The following CTDSP1 variants were observed in gnomAD, a reference collection of about 807,000 sequenced individuals.
CTDSP1 encodes carboxy-terminal domain RNA polymerase II polypeptide A small phosphatase 1.
CTDSP1 carries 15 observed loss-of-function variants against 32.5 expected under a neutral mutation model. That is an observed-to-expected ratio of 0.46 (90% CI 0.31 to 0.71). CTDSP1 has a LOEUF of 0.71. CTDSP1 is among the 30% of genes least tolerant of loss of function. The pLI is 0.05. For synonymous variants in CTDSP1, 185 were observed against 145.4 expected, an observed-to-expected ratio of 1.27 and a Z score of -1.96; for missense variants, 294 against 351.1, an observed-to-expected ratio of 0.84 and a Z score of 1.30.
chr2:218,400,499 G>C (rs1697068079), intron 1 of CTDSP1: 4 of 416,818 alleles, frequency 9.6e-6, no homozygotes, highest in Non-Finnish European at 1.4e-5. Flanking sequence ...TGGGGGAGCT[G>C]AGGAGGGCGC....
chr2:218,404,357 T>C lies in CTDSP1; in HGVS notation c.718T>C (p.Phe240Leu). ...CACAGAGCTCCACGACCTCCTCCCC[T>C]TCTTCGAGCAACTCAGCCGTGTGGA... Reference protein sequence around the residue: ...SDTELHDLLPFFEQLSRVDDV... With the variant: ...SDTELHDLLPLFEQLSRVDDV... Residue 240 changes from phenylalanine to leucine, a missense_variant, in exon 7 of 7, where the codon TTC becomes CTC. Phe to Leu is a conservative substitution (Grantham distance 22). Coordinates refer to ENST00000273062, the MANE Select transcript of CTDSP1 (RefSeq NM_021198.3). The C allele has an allele frequency of 6.2e-7, 1 of 1,614,156 alleles. No homozygotes were observed. The highest frequency in any genetic ancestry group is 1.1e-5 in the South Asian group (1 of 91,082).
At chr2:218,401,883 T>C (rs879869219) in intron 2 of CTDSP1, among the ~76,000 whole-genome samples, 171 bp downstream of exon 2, 11 of 152,170 alleles carry the variant, frequency 7.2e-5, no homozygotes, top group Non-Finnish European at 1.3e-4. Flanking sequence ...GGAAACTGAA[T>C]TCTCCCTCAT....
At chr2:218,399,638 G>A, upstream of CTDSP1, 1 of 782,278 alleles carries the variant, frequency 1.3e-6, no homozygotes, top group South Asian at 5.8e-5. Flanking sequence ...GGAACGGTGA[G>A]CCGGGTGCCG....
At chr2:218,397,805 C>T (rs892369408), upstream of CTDSP1, among the ~76,000 whole-genome samples, 6 of 152,200 alleles carry the variant, frequency 3.9e-5, no homozygotes, top group Admixed American at 2.6e-4. Context: ...ACTAACTACC[C>T]GCCCCAGGCG....
chr2:218,400,358 G>T, intron 1 of CTDSP1: 1 of 689,690 alleles, frequency 1.4e-6, no homozygotes, highest in Non-Finnish European at 2.6e-6. Context: ...TGGCGCCTTT[G>T]GGGCGCTCCT....
chr2:218,401,549 G>A lies in CTDSP1; in HGVS notation c.68-15G>A. The A allele has an allele frequency of 6.2e-7, 1 of 1,613,392 alleles. No individual in the cohort carries two copies. Among genetic ancestry groups the A allele is most frequent in the South Asian group, 1.1e-5 (1 of 91,024 alleles). ...AGTGTGCACCGAGCCTCCAACTTGT[G>A]CCTCCCTACTTCAGGTGACCAGAAG... On this transcript the variant is annotated splice_polypyrimidine_tract_variant and intron_variant, in intron 1 of 6. Coordinates refer to ENST00000273062, the MANE Select transcript of CTDSP1 (RefSeq NM_021198.3).
upstream of CTDSP1, among the ~76,000 whole-genome samples, chr2:218,397,931 A>T (rs1255365754): frequency 6.6e-6 from 1 of 152,210 alleles, no homozygotes; most frequent in Non-Finnish European, 1.5e-5. Flanking sequence ...AACGGCTTGA[A>T]GTGGCGATAA....
chr2:218,401,737 C>A (rs2227253), intron 2 of CTDSP1, 25 bp downstream of exon 2: 1 of 1,532,548 alleles, frequency 6.5e-7, no homozygotes, highest in Non-Finnish European at 8.8e-7. Context: ...GGTGGGGCCA[C>A]GGGGGCACCT....
chr2:218,401,465 G>A (rs1437097747), intron 1 of CTDSP1, 99 bp from the exon 2 acceptor site: 2 of 1,412,542 alleles, frequency 1.4e-6, no homozygotes, highest in Admixed American at 4.1e-5. Flanking sequence ...AGGGGCCACG[G>A]CAAGATCCTC....
upstream of CTDSP1, chr2:218,398,521 C>A: frequency 7.4e-7 from 1 of 1,344,486 alleles, no homozygotes; most frequent in South Asian, 1.5e-5. Context: ...TACTCCCAGC[C>A]TCAGCGCACG....
rs748388380 is a variant in CTDSP1 at position 218,401,677 on chromosome 2, C to G, written c.181C>G (p.Pro61Ala). 2.2e-5 allele frequency: 36 copies of G among 1,602,366 alleles called. No homozygotes were observed. Among genetic ancestry groups the G allele is most frequent in the Non-Finnish European group, 2.9e-5 (34 of 1,174,344 alleles). The change falls in exon 2 of 7, where the codon CCC becomes GCC. Residue 61 changes from proline (P) to alanine (A), a missense_variant. Transcript: ENST00000273062. The part of the protein sequence containing the change: ...GEALPAHSGA[P>A]LLVEENGAIP... ...GGCCCTGCCTGCTCACAGCGGGGCG[C>G]CCCTGCTTGTGGAGGAGAATGGCGC...
upstream of CTDSP1, chr2:218,398,582 C>A (rs1574790333): frequency 1.3e-6 from 1 of 772,302 alleles, no homozygotes; most frequent in Non-Finnish European, 1.9e-6. Flanking sequence ...CCCCTCCCGG[C>A]CCCCGCGCGG....
Position 218,400,169 on chromosome 2 carries a change from G to C in CTDSP1, c.67+12G>C. On this transcript the variant is annotated intron_variant, in intron 1 of 6. Transcript: ENST00000273062. Reference sequence around the variant, plus strand: ...GCTGCGGGGCAAAGGTACCGGGGCTGCGGGGAGGGGGCCGAAGCCGGGGCG... The same window carrying C: ...GCTGCGGGGCAAAGGTACCGGGGCTCCGGGGAGGGGGCCGAAGCCGGGGCG... 1 of 1,540,750 alleles carries C rather than the reference G, an allele frequency of 6.5e-7. No homozygotes were observed.
upstream of CTDSP1, chr2:218,399,804 G>C (rs980387419): frequency 9.7e-6 from 11 of 1,134,584 alleles, no homozygotes; most frequent in South Asian, 3.7e-4. Context: ...GCCGAGTCCA[G>C]GTCACGCCGA....
intron 6 of CTDSP1, 128 bp from the exon 7 acceptor site, chr2:218,404,169 G>A: frequency 8.7e-7 from 1 of 1,153,892 alleles, no homozygotes; most frequent in Non-Finnish European, 1.2e-6. Context: ...TGTCAAAAAA[G>A]TTTGAACACT....
intron 1 of CTDSP1, chr2:218,401,069 T>C: frequency 2.5e-6 from 1 of 394,594 alleles, no homozygotes. Flanking sequence ...CACTGGACAC[T>C]GGCCCCAGGC....
chr2:218,398,552 A>G (rs1696939127), upstream of CTDSP1: 1 of 1,141,418 alleles, frequency 8.8e-7, no homozygotes, highest in Non-Finnish European at 1.2e-6. Context: ...GCCTTCTGGC[A>G]GACGCCGCTC....
rs765533971 is a variant in CTDSP1, at chr2:218,403,227, C to G, written c.472-5C>G. ...GCCCCAGGATGACCCACCTCCTGCTCCCAGTACGCAGACCCAGTAGCTGAC... is the reference window on the plus strand; with the variant it reads ...GCCCCAGGATGACCCACCTCCTGCTGCCAGTACGCAGACCCAGTAGCTGAC... On this transcript the variant is annotated splice_region_variant and splice_polypyrimidine_tract_variant and intron_variant, in intron 5 of 6. Transcript: ENST00000273062. 9.3e-6 allele frequency: 15 copies of G among 1,611,512 alleles called. No individual in the cohort carries two copies. The highest frequency in any genetic ancestry group is 1.3e-5 in the African/African-American group (1 of 74,894).
chr2:218,404,489 T>C lies in CTDSP1; in HGVS notation c.*64T>C. The C allele has an allele frequency of 1.9e-6, 3 of 1,586,490 alleles. No individual in the cohort carries two copies. The highest frequency in any genetic ancestry group is 1.1e-5 in the South Asian group (1 of 89,504). On this transcript the variant is annotated 3_prime_UTR_variant, in exon 7 of 7. Transcript: ENST00000273062. The stretch of plus-strand genomic sequence containing the variant: ...TACCCACACCTCCTCCCAGGAAGAC[T>C]GCCCAGGCCTTTGTTAGGAAAACCC...
Sources: gnomAD v4.1 joint callset for allele counts (sites outside exome capture counted in the v4.1 genomes callset) on GRCh38, gnomAD v4.1.1 for gene constraint, MANE v1.5 for transcripts, NCBI Gene and HGNC (gene_info 2026-07-23, HGNC 2026-07-21) for gene names.